Variants in SLC25A21 observed in about 807,000 individuals in gnomAD.
SLC25A21 encodes solute carrier family 25 member 21.
A neutral mutation model predicts 43.8 loss-of-function variants in SLC25A21; 47 were observed. The observed-to-expected ratio is 1.07, with a 90% CI of 0.85 to 1.37. The LOEUF is 1.37. Among genes scored for constraint, SLC25A21 ranks in the 40% most tolerant of loss-of-function variants. The pLI is 0.00. For synonymous variants in SLC25A21, 131 were observed against 121.3 expected (o/e 1.08, Z -0.52); for missense variants, 352 against 350.2 (o/e 1.00, Z -0.04).
chr14:37,061,369 T>A (rs1176045465), intron 1 of SLC25A21, among the ~76,000 whole-genome samples: 1 of 152,212 alleles, frequency 6.6e-6, no homozygotes, highest in Non-Finnish European at 1.5e-5. Flanking sequence ...AGTCTTCTTG[T>A]AATGACTCTA....
intron 2 of SLC25A21, among the ~76,000 whole-genome samples, chr14:36,847,455 C>T (rs1025578236): frequency 2.0e-5 from 3 of 152,260 alleles, no homozygotes; most frequent in South Asian, 4.1e-4. Flanking sequence ...ATAGTTCCTG[C>T]CTTTGCAAGC....
chr14:37,046,375 C>T (rs1961586415), intron 1 of SLC25A21, among the ~76,000 whole-genome samples: 1 of 152,078 alleles, frequency 6.6e-6, no homozygotes, highest in East Asian at 1.9e-4. Flanking sequence ...TTTCCTCCAT[C>T]CCCCAAAGAA....
chr14:36,876,185 C>T (rs933056342), intron 1 of SLC25A21, among the ~76,000 whole-genome samples: 3 of 152,140 alleles, frequency 2.0e-5, no homozygotes, highest in Non-Finnish European at 2.9e-5. Context: ...TGTAGTTTAT[C>T]TTCCCCATCC....
intron 1 of SLC25A21, among the ~76,000 whole-genome samples, chr14:36,960,707 C>T (rs1296487994): frequency 6.6e-6 from 1 of 152,070 alleles, no homozygotes; most frequent in African/African-American, 2.4e-5. Context: ...CCCTCTAAAG[C>T]AAGAAATGTA....
intron 1 of SLC25A21, among the ~76,000 whole-genome samples, chr14:37,120,575 A>AT (rs1390369891): frequency 2.0e-5 from 3 of 152,154 alleles, no homozygotes; most frequent in Admixed American, 2.0e-4. Flanking sequence ...GAGACTACCC[A>AT]TGAAGCATAA....
intron 7 of SLC25A21, among the ~76,000 whole-genome samples, chr14:36,706,572 C>A (rs79990814): frequency 0.015 from 2,293 of 152,298 alleles, 75 homozygotes; most frequent in African/African-American, 0.053. Flanking sequence ...AGTTTCCAGG[C>A]AGAGCCCGTA....
intron 1 of SLC25A21, among the ~76,000 whole-genome samples, chr14:36,882,860 C>T (rs1367027): frequency 0.5 from 75,800 of 151,460 alleles, 21,949 homozygotes; most frequent in Non-Finnish European, 0.65. Flanking sequence ...CATGCTCAAC[C>T]TTAGAATCAT....
intron 3 of SLC25A21, among the ~76,000 whole-genome samples, chr14:36,813,629 G>T: frequency 6.6e-6 from 1 of 152,148 alleles, no homozygotes; most frequent in Non-Finnish European, 1.5e-5. Flanking sequence ...CCAAAATAAA[G>T]AACTATTGAG....
At chr14:36,970,944 T>C (rs141039048) in intron 1 of SLC25A21, among the ~76,000 whole-genome samples, 2 of 152,340 alleles carry the variant, frequency 1.3e-5, no homozygotes, top group African/African-American at 4.8e-5. Flanking sequence ...TCTATGTTTA[T>C]ATATTCATTT....
chr14:36,981,857 TAAA>T (rs902908124), intron 1 of SLC25A21, among the ~76,000 whole-genome samples: 1 of 151,936 alleles, frequency 6.6e-6, no homozygotes, highest in Non-Finnish European at 1.5e-5. Flanking sequence ...AAAATTAAAT[TAAA>T]AAAATAAATA....
At chr14:36,913,215 G>C (rs896898847) in intron 1 of SLC25A21, among the ~76,000 whole-genome samples, 1 of 152,152 alleles carries the variant, frequency 6.6e-6, no homozygotes. Context: ...ATATTACTTA[G>C]ATAATTAAAA....
At chr14:36,884,060 G>A (rs1251026994) in intron 1 of SLC25A21, among the ~76,000 whole-genome samples, 1 of 152,044 alleles carries the variant, frequency 6.6e-6, no homozygotes, top group Non-Finnish European at 1.5e-5. Flanking sequence ...TCACCATTCT[G>A]TGCAATAGGT....
At chr14:36,936,533 C>T (rs369742009) in intron 1 of SLC25A21, among the ~76,000 whole-genome samples, 4 of 152,208 alleles carry the variant, frequency 2.6e-5, no homozygotes, top group East Asian at 1.9e-4. Context: ...CAATGTAAAG[C>T]GAGAACTAAA....
intron 1 of SLC25A21, among the ~76,000 whole-genome samples, chr14:36,879,936 C>T (rs1154133): frequency 0.35 from 52,655 of 151,892 alleles, 9,424 homozygotes; most frequent in South Asian, 0.42. Flanking sequence ...GTTTTTCTTC[C>T]GTAAGGACAC....
intron 1 of SLC25A21, among the ~76,000 whole-genome samples, chr14:36,888,133 G>T (rs1890975257): frequency 6.6e-6 from 1 of 152,266 alleles, no homozygotes; most frequent in South Asian, 2.1e-4. Flanking sequence ...TTACCAGCAT[G>T]CTACTGCCCA....
At chr14:36,914,968 T>C (rs113275315) in intron 1 of SLC25A21, among the ~76,000 whole-genome samples, 2,646 of 152,192 alleles carry the variant, frequency 0.017, 72 homozygotes, top group African/African-American at 0.059. Flanking sequence ...AGGTAAACCA[T>C]TGATGGCCAG....
chr14:36,970,605 G>A (rs1959728349), intron 1 of SLC25A21, among the ~76,000 whole-genome samples: 1 of 152,168 alleles, frequency 6.6e-6, no homozygotes, highest in Non-Finnish European at 1.5e-5. Flanking sequence ...CATGGGCTGG[G>A]TCAAAAGTAA....
In SLC25A21 at chr14:36,735,811, C is replaced by A. The variant is rs1885007823; in HGVS notation, c.204-1238G>T. Among the ~76,000 whole-genome samples the A allele has an allele frequency of 3.5e-5, 3 of 86,424 alleles. No homozygotes were observed. The East Asian group carries it at 8.9e-4, about 26-fold the overall frequency. The allele number at this position is 86,424 out of a possible 152,430, so 56.7% of individuals were successfully genotyped here. On this transcript the variant is annotated intron_variant, in intron 3 of 9. Coordinates refer to ENST00000331299, the MANE Select transcript of SLC25A21 (RefSeq NM_030631.4). ...CCCTTTGGGGTTCTTATCCCAGAATCCTTTTTTTTTTTTTTTTTTGTATAT... is the reference window on the plus strand; with the variant it reads ...CCCTTTGGGGTTCTTATCCCAGAATACTTTTTTTTTTTTTTTTTTGTATAT...
chr14:37,147,846 T>TTA (rs1963694179), intron 1 of SLC25A21, among the ~76,000 whole-genome samples: 1 of 143,394 alleles, frequency 7.0e-6, no homozygotes, highest in African/African-American at 2.5e-5. Context: ...TTTCTTTTCT[T>TTA]TTTTTTTTTT....
Sources: gnomAD v4.1 joint callset for allele counts (sites outside exome capture counted in the v4.1 genomes callset) on GRCh38, gnomAD v4.1.1 for gene constraint, MANE v1.5 for transcripts, NCBI Gene and HGNC (gene_info 2026-07-23, HGNC 2026-07-21) for gene names.